Variants in TP53BP1 observed in about 807,000 individuals in gnomAD.
The protein encoded by TP53BP1 is TP53-binding protein 1.
In TP53BP1, 61 loss-of-function variants were observed where a neutral mutation model predicts 200.8. That is an observed-to-expected ratio of 0.30 (90% CI 0.25 to 0.38). TP53BP1 has a LOEUF of 0.38. TP53BP1 is among the 10% of genes least tolerant of loss of function. The pLI is 1.00. For synonymous variants in TP53BP1, 822 were observed against 844.3 expected (o/e 0.97, Z 0.46); for missense variants, 2,144 against 2,371.9 (o/e 0.90, Z 2.00).
chr15:43,480,062 A>C, intron 5 of TP53BP1, 45 bp from the exon 6 acceptor site: 1 of 1,577,562 alleles, frequency 6.3e-7, no homozygotes, highest in Non-Finnish European at 8.7e-7. Flanking sequence ...CCACAACATT[A>C]TGCAATGTAC....
intron 13 of TP53BP1, 45 bp downstream of exon 13, chr15:43,447,321 T>C: frequency 6.4e-7 from 1 of 1,571,300 alleles, no homozygotes; most frequent in Non-Finnish European, 8.6e-7. Flanking sequence ...GAGAATGATA[T>C]CTCAGAAATT....
chr15:43,457,278 C>G, intron 11 of TP53BP1, 60 bp from the exon 12 acceptor site: 2 of 1,363,940 alleles, frequency 1.5e-6, no homozygotes, highest in Non-Finnish European at 1.9e-6. Context: ...TCTTTTATAT[C>G]GAATCCTTGG....
intron 12 of TP53BP1, among the ~76,000 whole-genome samples, chr15:43,451,796 C>T (rs895940958): frequency 3.9e-5 from 6 of 152,280 alleles, no homozygotes; most frequent in Non-Finnish European, 7.4e-5. Flanking sequence ...TTTACAGTCC[C>T]ACCAACAGTG....
intron 24 of TP53BP1, 39 bp downstream of exon 24, chr15:43,413,080 C>T (rs773782728): frequency 6.3e-7 from 1 of 1,597,710 alleles, no homozygotes; most frequent in African/African-American, 1.3e-5. Context: ...GAAAGAAGTG[C>T]CTATGTGTCA....
At chr15:43,490,949 T>C (rs912600621) in intron 4 of TP53BP1, among the ~76,000 whole-genome samples, 1 of 152,176 alleles carries the variant, frequency 6.6e-6, no homozygotes, top group Non-Finnish European at 1.5e-5. Context: ...TATAAAGATA[T>C]GCAAAAGACA....
intron 18 of TP53BP1, among the ~76,000 whole-genome samples, chr15:43,423,973 T>G (rs2045467420): frequency 6.6e-6 from 1 of 152,160 alleles, no homozygotes; most frequent in African/African-American, 2.4e-5. Context: ...CATCCTTACC[T>G]CGCTACCAAG....
At position 43,493,138 on chromosome 15, in the gene TP53BP1, C is replaced by G; in HGVS notation, c.-95G>C. 6.3e-7 allele frequency: 1 copy of G among 1,578,002 alleles called. No homozygotes were observed. Among genetic ancestry groups the G allele is most frequent in the Non-Finnish European group, 8.6e-7 (1 of 1,167,250 alleles). On this transcript the variant is annotated 5_prime_UTR_variant, in exon 1 of 28. Transcript: ENST00000382044. ...CCTAGGTCGCCGCTGTCGCCACCGC[C>G]GCCACCGGCCGCGAACTCCCCCTTT...
At chr15:43,469,620 CAA>C (rs1220814647) in intron 11 of TP53BP1, among the ~76,000 whole-genome samples, 4 of 151,844 alleles carry the variant, frequency 2.6e-5, no homozygotes, top group Non-Finnish European at 5.9e-5. Context: ...GTAACATTTT[CAA>C]AAAGTTTAAA....
In TP53BP1 at chr15:43,456,670, C is replaced by T. The variant is rs1278136829; in HGVS notation, c.1938G>A (p.Val646=). 1.4e-5 allele frequency: 22 copies of T among 1,614,054 alleles called. No individual in the cohort carries two copies. The highest frequency in any genetic ancestry group is 1.8e-5 in the Non-Finnish European group (21 of 1,180,042). Residue 646 remains valine (V), a synonymous_variant, in exon 12 of 28, where the codon GTG becomes GTA. Coordinates refer to ENST00000382044, the MANE Select transcript of TP53BP1 (RefSeq NM_001141980.3). ...PATRSEALSS[V]LDQEEAMEIK... ...TTTCCATAGCTTCCTCCTGATCTAA[C>T]ACACTAGAAAGTGCCTCAGATCGAG...
intron 16 of TP53BP1, among the ~76,000 whole-genome samples, chr15:43,437,583 C>A (rs1031462725): frequency 2.7e-5 from 4 of 150,216 alleles, no homozygotes; most frequent in East Asian, 2.0e-4. Context: ...CCACTTCACT[C>A]CAGCCTGGGT....
chr15:43,487,414 AAAAC>A (rs1227539813), intron 4 of TP53BP1, among the ~76,000 whole-genome samples: 1 of 152,230 alleles, frequency 6.6e-6, no homozygotes, highest in Non-Finnish European at 1.5e-5. Flanking sequence ...GTTTCTTAAA[AAAAC>A]AAACATGCAA....
chr15:43,421,661 T>C (rs1595532994), intron 19 of TP53BP1, 194 bp downstream of exon 19: 1 of 750,194 alleles, frequency 1.3e-6, no homozygotes, highest in Non-Finnish European at 2.1e-6. Context: ...CAATGAAGTC[T>C]ACCTGCCACA....
rs1298736487 is a variant in TP53BP1, at chr15:43,469,945, T to G, written c.1302A>C (p.Ser434=). ...NPPLLPESTV[S]PQASTPISQS... ...GAGATATTGGTGTTGAGGCTTGTGG[T>G]GATACAGTGGACTCAGGCAGGAGAG... Residue 434 remains serine (S), a synonymous_variant, in exon 11 of 28, where the codon TCA becomes TCC. Transcript: ENST00000382044. 1 of 1,613,918 alleles carries G rather than the reference T, an allele frequency of 6.2e-7. No homozygotes were observed. The highest frequency in any genetic ancestry group is 1.7e-5 in the Admixed American group (1 of 59,986).
At chr15:43,480,470 A>G (rs2078948315) in intron 5 of TP53BP1, among the ~76,000 whole-genome samples, 1 of 152,112 alleles carries the variant, frequency 6.6e-6, no homozygotes, top group South Asian at 2.1e-4. Flanking sequence ...AATAAATTTA[A>G]AAAAAATAAG....
intron 14 of TP53BP1, among the ~76,000 whole-genome samples, chr15:43,442,407 G>A (rs1172315513): frequency 1.3e-5 from 2 of 151,720 alleles, no homozygotes; most frequent in Non-Finnish European, 2.9e-5. Flanking sequence ...GTAATTTAAT[G>A]GTACAAGTTT....
chr15:43,422,906 G>A (rs1379388029), intron 18 of TP53BP1, among the ~76,000 whole-genome samples: 5 of 151,610 alleles, frequency 3.3e-5, no homozygotes, highest in Non-Finnish European at 7.4e-5. Context: ...GAGGTGGGAG[G>A]ATCACTTGAG....
chr15:43,414,762 G>A (rs954190883), intron 23 of TP53BP1, among the ~76,000 whole-genome samples: 5 of 151,660 alleles, frequency 3.3e-5, no homozygotes, highest in East Asian at 1.9e-4. Flanking sequence ...ATGGAGTGCC[G>A]TGGCGTGATC....
chr15:43,420,959 T>TCC, intron 20 of TP53BP1, 66 bp downstream of exon 20: 1 of 1,547,744 alleles, frequency 6.5e-7, no homozygotes, highest in South Asian at 1.2e-5. Flanking sequence ...AACTCTCTAC[T>TCC]CCCCTCTCCT....
chr15:43,474,402 G>A (rs1362462308), intron 10 of TP53BP1, among the ~76,000 whole-genome samples: 5 of 150,556 alleles, frequency 3.3e-5, no homozygotes, highest in Admixed American at 6.6e-5. Context: ...CGCCGAGAGC[G>A]AGCGAGGGCT....
Sources: gnomAD v4.1 joint callset for allele counts (sites outside exome capture counted in the v4.1 genomes callset) on GRCh38, gnomAD v4.1.1 for gene constraint, MANE v1.5 for transcripts, NCBI Gene and HGNC (gene_info 2026-07-23, HGNC 2026-07-21) for gene names.